ABCC3: variants seen among roughly 807,000 people sequenced by gnomAD.
The protein encoded by ABCC3 is ATP-binding cassette sub-family C member 3.
Under a neutral mutation model 165.3 loss-of-function variants are expected in ABCC3, and 121 were observed. The observed-to-expected ratio is 0.73, with a 90% CI of 0.63 to 0.85. The LOEUF (loss-of-function observed/expected upper bound fraction) is 0.85, where lower values mean the gene tolerates loss of function less well. ABCC3 is among the 40% of genes least tolerant of loss of function. The probability of loss-of-function intolerance (pLI) is 0.00; values close to 1 mark genes in which losing one functional copy is unlikely to be tolerated. For synonymous variants in ABCC3, 733 were observed against 810.1 expected, an observed-to-expected ratio of 0.90 and a Z score of 1.62; for missense variants, 1,869 against 1,964.1, an observed-to-expected ratio of 0.95 and a Z score of 0.92.
At chr17:50,635,907 GAA>G (rs1413604634) in intron 1 of ABCC3, 3 of 262,016 alleles carry the variant, frequency 1.1e-5, no homozygotes, top group Non-Finnish European at 2.2e-5. Flanking sequence ...AATAAGAAAA[GAA>G]AATCAAGCCT....
At chr17:50,644,686 G>A (rs1193284004) in intron 1 of ABCC3, among the ~76,000 whole-genome samples, 1 of 146,284 alleles carries the variant, frequency 6.8e-6, no homozygotes. Context: ...CACTCCAGCC[G>A]AGGTGACAGA....
chr17:50,637,952 C>A (rs2054194582), intron 1 of ABCC3, among the ~76,000 whole-genome samples: 1 of 152,164 alleles, frequency 6.6e-6, no homozygotes, highest in Non-Finnish European at 1.5e-5. Context: ...CTGGAGAGGA[C>A]CATGCCCCTT....
Position 50,642,783 on chromosome 17 carries a change from G to A in ABCC3, c.45+7802G>A, listed in dbSNP as rs534657958. Among the ~76,000 whole-genome samples the A allele has an allele frequency of 5.3e-5, 8 of 152,310 alleles. 1 individual carries two copies. In the South Asian group the frequency reaches 1.5e-3, roughly 28 times the overall value. Reference sequence around the variant, plus strand: ...ACAGAGCCATGCCACCGGCCTGCAAGTGCACACAGCGATTCCCACCATGTC... The same window carrying A: ...ACAGAGCCATGCCACCGGCCTGCAAATGCACACAGCGATTCCCACCATGTC... On this transcript the variant is annotated intron_variant, in intron 1 of 30. Coordinates refer to ENST00000285238, the MANE Select transcript of ABCC3 (RefSeq NM_003786.4).
chr17:50,658,483 T>A lies in ABCC3; in HGVS notation c.661T>A (p.Trp221Arg). ...SAGFLSRLFF[W>R]WFTKMAIYGY... ...TGGCTTTCTCTCCCGCCTGTTTTTC[T>A]GGTGGTTCACAAAGTGAGTTGGCTC... The change falls in exon 6 of 31, where the codon TGG becomes AGG. Residue 221 changes from tryptophan (W) to arginine (R), a missense_variant. Coordinates refer to ENST00000285238, the MANE Select transcript of ABCC3 (RefSeq NM_003786.4). The A allele has an allele frequency of 4.3e-6, 7 of 1,614,098 alleles. No homozygotes were observed. Among genetic ancestry groups the A allele is most frequent in the Non-Finnish European group, 5.9e-6 (7 of 1,179,930 alleles).
chr17:50,635,281 G>C (rs1201695535), intron 1 of ABCC3: 3 of 624,844 alleles, frequency 4.8e-6, no homozygotes, highest in Non-Finnish European at 8.6e-6. Context: ...TGCGTGGCTG[G>C]GTGAGTCGGC....
At chr17:50,638,683 C>T (rs2054201154) in intron 1 of ABCC3, among the ~76,000 whole-genome samples, 4 of 152,194 alleles carry the variant, frequency 2.6e-5, no homozygotes, top group Admixed American at 1.3e-4. Flanking sequence ...GTTAGGCCCA[C>T]ATGGGAAAGG....
rs570998080 is a variant in ABCC3 at position 50,667,876 on chromosome 17, C to T, written c.1649C>T (p.Thr550Ile). The T allele has an allele frequency of 1.9e-6, 3 of 1,614,082 alleles. No individual in the cohort carries two copies. The South Asian group carries it at 3.3e-5, about 18-fold the overall frequency. The change falls in exon 13 of 31, where the codon ACC becomes ATC. Residue 550 changes from threonine (T) to isoleucine (I), a missense_variant. Thr to Ile is a moderately conservative substitution (Grantham distance 89, BLOSUM62 -1). Coordinates refer to ENST00000285238, the MANE Select transcript of ABCC3 (RefSeq NM_003786.4). ...MCSPFLVTLI[T>I]LWVYVYVDPN... is the part of the protein sequence containing the mutation. ...CACGCTGCTCAGGTGACCCTGATCACCCTCTGGGTGTACGTGTACGTGGAC... is the reference window on the plus strand; with the variant it reads ...CACGCTGCTCAGGTGACCCTGATCATCCTCTGGGTGTACGTGTACGTGGAC...
chr17:50,660,823 T>G, intron 7 of ABCC3, 100 bp from the exon 8 acceptor site: 1 of 990,400 alleles, frequency 1.0e-6, no homozygotes, highest in East Asian at 2.7e-5. Context: ...AGAAAACAGC[T>G]CCTTCCTCCT....
chr17:50,663,220 G>A (rs1025280012), intron 8 of ABCC3: 1 of 171,670 alleles, frequency 5.8e-6, no homozygotes, highest in Non-Finnish European at 1.3e-5. Flanking sequence ...GGGCGGATTA[G>A]GGACCTAGAG....
Position 50,668,418 on chromosome 17 carries a change from A to C in ABCC3, c.1783-12A>C, listed in dbSNP as rs1234373829. The C allele has an allele frequency of 6.2e-7, 1 of 1,612,324 alleles. No homozygotes were observed. Among genetic ancestry groups the C allele is most frequent in the Admixed American group, 1.7e-5 (1 of 59,948 alleles). Reference sequence around the variant, plus strand: ...AGTACAGTCTCTAGGGCTGACTCACATCCTCCCGTAGGCCAGTGTGTCTCT... The same window carrying C: ...AGTACAGTCTCTAGGGCTGACTCACCTCCTCCCGTAGGCCAGTGTGTCTCT... On this transcript the variant is annotated splice_polypyrimidine_tract_variant and intron_variant, in intron 13 of 30. Transcript: ENST00000285238.
At chr17:50,651,763 T>G (rs1001199511) in intron 1 of ABCC3, among the ~76,000 whole-genome samples, 1 of 152,186 alleles carries the variant, frequency 6.6e-6, no homozygotes, top group Non-Finnish European at 1.5e-5. Flanking sequence ...GAAGGACATC[T>G]TTTACATGGG....
chr17:50,686,408 C>T (rs1038499389), intron 29 of ABCC3, among the ~76,000 whole-genome samples: 1 of 152,186 alleles, frequency 6.6e-6, no homozygotes, highest in Admixed American at 6.5e-5. Flanking sequence ...CCACCTCCCT[C>T]ACCTGGACAA....
At chr17:50,678,590 A>G (rs1364710686) in intron 25 of ABCC3, among the ~76,000 whole-genome samples, 1 of 152,144 alleles carries the variant, frequency 6.6e-6, no homozygotes, top group Non-Finnish European at 1.5e-5. Context: ...CTGCAGGCTG[A>G]GCAGGTCTTT....
rs1214966621 is a variant in ABCC3, at chr17:50,684,997, C to T, written c.4280+122C>T. 14 of 1,113,552 alleles carry T rather than the reference C, an allele frequency of 1.3e-5. No homozygotes were observed. The African/African-American group carries it at 1.9e-4, about 15-fold the overall frequency. 69.0% of individuals were successfully genotyped at this position (1,113,552 alleles called of 1,614,324 possible). On this transcript the variant is annotated intron_variant, in intron 29 of 30. Coordinates refer to ENST00000285238, the MANE Select transcript of ABCC3 (RefSeq NM_003786.4). ...CCAGCCCGGATGTGCACAGGGCTGT[C>T]CTTTCGTATTGAGCATATTCCGTGT... is the stretch of plus-strand genomic sequence containing the variant.
rs1362108049 is a variant in ABCC3, at chr17:50,669,196, G to C, written c.1994G>C (p.Cys665Ser). 1 of 1,610,190 alleles carries C rather than the reference G, an allele frequency of 6.2e-7. No individual in the cohort carries two copies. Among genetic ancestry groups the C allele is most frequent in the African/African-American group, 1.3e-5 (1 of 74,578 alleles). The change falls in exon 16 of 31, where the codon TGT becomes TCT. Residue 665 changes from cysteine (C) to serine (S), a missense_variant. Coordinates refer to ENST00000285238, the MANE Select transcript of ABCC3 (RefSeq NM_003786.4). ...ALVAVVGPVG[C>S]GKSSLVSALL... ...GTGGCCGTGGTGGGGCCTGTGGGCT[G>C]TGGGAAGTCCTCCCTGGTGTCTGCC...
rs752302962 is a variant in ABCC3, at chr17:50,687,704, G to A, written c.4449G>A (p.Arg1483=). The change falls in exon 30 of 31, where the codon CGG becomes CGA. Residue 1483 remains arginine (R), a synonymous_variant. Transcript: ENST00000285238. ...GCACTGTCCTGACCATCGCACACCGGCTTAACACTATCATGGACTACACCA... is the reference window on the plus strand; with the variant it reads ...GCACTGTCCTGACCATCGCACACCGACTTAACACTATCATGGACTACACCA... ...DTCTVLTIAH[R]LNTIMDYTRV... The A allele has an allele frequency of 6.2e-7, 1 of 1,614,184 alleles. No individual in the cohort carries two copies.
chr17:50,676,037 A>G lies in ABCC3; in HGVS notation c.3014A>G (p.Gln1005Arg), dbSNP rs1967796011. Residue 1005 changes from glutamine (Q) to arginine (R), a missense_variant, in exon 22 of 31, where the codon CAG becomes CGG. Gln to Arg is a conservative substitution (Grantham distance 43, BLOSUM62 1). Coordinates refer to ENST00000285238, the MANE Select transcript of ABCC3 (RefSeq NM_003786.4). The stretch of plus-strand genomic sequence containing the variant: ...AATGATGCCATGGCAGACAGTAGAC[A>G]GAACAACACTTCCCTGAGGCTGGGC... ...WTNDAMADSR[Q>R]NNTSLRLGVY... is the part of the protein sequence containing the mutation. 1 of 1,614,224 alleles carries G rather than the reference A, an allele frequency of 6.2e-7. No homozygotes were observed. The highest frequency in any genetic ancestry group is 8.5e-7 in the Non-Finnish European group (1 of 1,180,028).
At chr17:50,689,656 C>G (rs1356539687) in intron 30 of ABCC3, among the ~76,000 whole-genome samples, 1 of 152,226 alleles carries the variant, frequency 6.6e-6, no homozygotes, top group Non-Finnish European at 1.5e-5. Flanking sequence ...CCAGCAGTGT[C>G]TTGGGAGCCA....
At chr17:50,643,282 G>A (rs1597838129) in intron 1 of ABCC3, among the ~76,000 whole-genome samples, 1 of 152,260 alleles carries the variant, frequency 6.6e-6, no homozygotes, top group Non-Finnish European at 1.5e-5. Context: ...ATCAGGCCTA[G>A]AGGTGTGTCC....
Sources: allele counts gnomAD v4.1 joint callset (sites outside exome capture counted in the v4.1 genomes callset), GRCh38; gene constraint gnomAD v4.1.1; transcripts MANE v1.5; gene names NCBI Gene and HGNC (gene_info 2026-07-23, HGNC 2026-07-21).